Variants in ITGAL observed in about 807,000 individuals in gnomAD.
ITGAL encodes the protein integrin alpha-L.
Under a neutral mutation model 138.4 loss-of-function variants are expected in ITGAL, and 68 were observed. That is an observed-to-expected ratio of 0.49 (90% CI 0.40 to 0.60). The LOEUF (loss-of-function observed/expected upper bound fraction) is 0.60. Among genes scored for constraint, ITGAL ranks in the 20% least tolerant of loss-of-function variants. The pLI is 0.00. For synonymous variants in ITGAL, 561 were observed against 584.3 expected (o/e 0.96, Z 0.57); for missense variants, 1,256 against 1,478.6 (o/e 0.85, Z 2.47).
At chr16:30,481,387 A>T in intron 6 of ITGAL, 52 bp from the exon 7 acceptor site, 1 of 1,428,444 alleles carries the variant, frequency 7.0e-7, no homozygotes, top group Non-Finnish European at 9.6e-7. Flanking sequence ...TTTGGAACAG[A>T]CAAATGGAAA....
At chr16:30,510,220 T>C in intron 21 of ITGAL, 141 bp from the exon 22 acceptor site, 1 of 643,096 alleles carries the variant, frequency 1.6e-6, no homozygotes, top group South Asian at 1.8e-5. Context: ...TCTGCAGCCC[T>C]GATTCTTGGG....
chr16:30,481,228 C>T (rs967425438), intron 6 of ITGAL: 20 of 505,348 alleles, frequency 4.0e-5, no homozygotes, highest in Middle Eastern at 5.7e-4. Flanking sequence ...TGCCTGTAAT[C>T]GCAGCTACTT....
At chr16:30,493,540 C>T (rs1027734456) in intron 11 of ITGAL, among the ~76,000 whole-genome samples, 26 of 151,450 alleles carry the variant, frequency 1.7e-4, no homozygotes, top group East Asian at 6.0e-4. Flanking sequence ...CCTCCCAAAG[C>T]GCTGGGATTA....
At chr16:30,509,985 C>T (rs977135614) in intron 21 of ITGAL, among the ~76,000 whole-genome samples, 5 of 151,514 alleles carry the variant, frequency 3.3e-5, no homozygotes, top group South Asian at 2.1e-4. Context: ...GTTGCAGTGA[C>T]CCGAGATCGC....
chr16:30,503,483 G>T (rs2050936758), intron 17 of ITGAL, among the ~76,000 whole-genome samples: 1 of 144,258 alleles, frequency 6.9e-6, no homozygotes, highest in African/African-American at 2.6e-5. Context: ...GAAGGAGGGA[G>T]GATGAAAGAG....
rs949711512 is a variant in ITGAL, at chr16:30,479,217, C to A, written c.445+9C>A. 18 of 1,613,618 alleles carry A rather than the reference C, an allele frequency of 1.1e-5. No individual in the cohort carries two copies. In the East Asian group the frequency reaches 3.8e-4, roughly 34 times the overall value. ...GCGCCCTGGTTTTCAGGGTAAGGAA[C>A]TGGGGACTCATTGGGTAAAAATACC... On this transcript the variant is annotated intron_variant, in intron 5 of 30. Coordinates refer to ENST00000356798, the MANE Select transcript of ITGAL (RefSeq NM_002209.3).
intron 21 of ITGAL, 138 bp from the exon 22 acceptor site, chr16:30,510,223 T>C (rs1310848748): frequency 1.5e-6 from 1 of 649,628 alleles, no homozygotes; most frequent in African/African-American, 1.8e-5. Flanking sequence ...GCAGCCCTGA[T>C]TCTTGGGCCC....
At position 30,499,219 on chromosome 16, in the gene ITGAL, A is replaced by T; in HGVS notation, c.1978A>T (p.Ile660Phe). Residue 660 changes from isoleucine to phenylalanine, a missense_variant, in exon 16 of 31, where the codon ATC becomes TTC. By Grantham distance (21) the Ile-to-Phe change is conservative. This residue lies in a region of ITGAL where 867 missense variants were observed against 972.5 expected (regional missense o/e 0.89). Coordinates refer to ENST00000356798, the MANE Select transcript of ITGAL (RefSeq NM_002209.3). ...AATCTGTTTCCAGATCAAGTCTCTCATCCCCCAGTTCCAAGGTCAGAGCTC... is the reference window on the plus strand; with the variant it reads ...AATCTGTTTCCAGATCAAGTCTCTCTTCCCCCAGTTCCAAGGTCAGAGCTC... The part of the protein sequence containing the change: ...ITICFQIKSL[I>F]PQFQGRLVAN... The T allele has an allele frequency of 6.2e-7, 1 of 1,614,160 alleles. No individual in the cohort carries two copies. The highest frequency in any genetic ancestry group is 1.3e-5 in the African/African-American group (1 of 75,052).
At chr16:30,476,453 G>A (rs569956602) in intron 4 of ITGAL, among the ~76,000 whole-genome samples, 1 of 151,912 alleles carries the variant, frequency 6.6e-6, no homozygotes, top group South Asian at 2.1e-4. Flanking sequence ...TAAATTTAAT[G>A]GCTTATTAGA....
At chr16:30,513,571 C>G (rs1407026935) in intron 24 of ITGAL, among the ~76,000 whole-genome samples, 200 bp from the exon 25 acceptor site, 1 of 152,206 alleles carries the variant, frequency 6.6e-6, no homozygotes, top group African/African-American at 2.4e-5. Context: ...CCAGTCCTGT[C>G]TCTCCACTGT....
chr16:30,499,733 A>ATTTTT (rs1193634387), intron 17 of ITGAL, among the ~76,000 whole-genome samples: 20 of 88,340 alleles, frequency 2.3e-4, no homozygotes, highest in South Asian at 7.1e-4. Flanking sequence ...ATATATATAT[A>ATTTTT]TTTTTTTTTT....
intron 7 of ITGAL, 31 bp downstream of exon 7, chr16:30,481,615 C>T: frequency 1.2e-6 from 2 of 1,610,710 alleles, no homozygotes; most frequent in Non-Finnish European, 1.7e-6. Flanking sequence ...GAGCACGTGT[C>T]CTGTGATTTG....
chr16:30,493,961 C>T lies in ITGAL; in HGVS notation c.1214-251C>T, dbSNP rs116953341. ...AAACTGAGGCTCAGAAGAGGCTCCA[C>T]GCTCCACTTGTTGTGCATAGCTGCT... On this transcript the variant is annotated intron_variant, in intron 11 of 30. Transcript: ENST00000356798. Among the ~76,000 whole-genome samples the T allele has an allele frequency of 9.3e-4, 141 of 152,284 alleles. No individual in the cohort carries two copies. The East Asian group carries it at 0.025, about 27-fold the overall frequency.
chr16:30,479,332 A>T lies in ITGAL; in HGVS notation c.447A>T (p.Glu149Asp). ...PMLQGRPGFQ[E>D]CIKGNVDLVF... ...GTCCCTTGCGTCTGGCTTCTGCAGA[A>T]TGTATCAAGGGCAACGTAGACCTGG... Residue 149 changes from glutamate to aspartate, a missense_variant and splice_region_variant, in exon 6 of 31, where the codon GAA (glutamate) becomes GAT (aspartate). Glu to Asp is a conservative substitution (Grantham distance 45). Around this residue, in one of 3 missense-constraint regions of ITGAL, gnomAD observed 212 missense variants for 217.4 expected, o/e 0.98. Coordinates refer to ENST00000356798, the MANE Select transcript of ITGAL (RefSeq NM_002209.3). The T allele has an allele frequency of 6.2e-7, 1 of 1,614,104 alleles. No homozygotes were observed. The highest frequency in any genetic ancestry group is 8.5e-7 in the Non-Finnish European group (1 of 1,180,024).
At chr16:30,488,123 A>G (rs2050673646) in intron 9 of ITGAL, among the ~76,000 whole-genome samples, 1 of 150,412 alleles carries the variant, frequency 6.6e-6, no homozygotes, top group South Asian at 2.2e-4. Context: ...TCAGCCTAGG[A>G]GTTTGAGACT....
intron 28 of ITGAL, among the ~76,000 whole-genome samples, chr16:30,518,110 T>A (rs1016830644): frequency 3.4e-4 from 51 of 152,138 alleles, no homozygotes; most frequent in African/African-American, 1.2e-3. Context: ...TGTGTGTTCT[T>A]TATAGAAAAG....
chr16:30,482,687 A>G (rs1315817560), intron 7 of ITGAL, among the ~76,000 whole-genome samples: 2 of 152,042 alleles, frequency 1.3e-5, no homozygotes, highest in Non-Finnish European at 2.9e-5. Flanking sequence ...TTGGAGAAGC[A>G]TTTTGCATCC....
At position 30,472,925 on chromosome 16, in the gene ITGAL, G is replaced by A. The variant is rs759770387; in HGVS notation, c.61+27G>A. The A allele has an allele frequency of 3.9e-5, 63 of 1,605,552 alleles. No homozygotes were observed. In the South Asian group the frequency reaches 6.9e-4, roughly 18 times the overall value. ...TAGGCAAGGGAGGAGGCAGGGGAAG[G>A]GACATGTGTCTGTGACCAGAGAAAC... On this transcript the variant is annotated intron_variant, in intron 1 of 30. Transcript: ENST00000356798.
At chr16:30,478,210 T>C (rs1331290838) in intron 4 of ITGAL, among the ~76,000 whole-genome samples, 1 of 151,228 alleles carries the variant, frequency 6.6e-6, no homozygotes, top group Non-Finnish European at 1.5e-5. Flanking sequence ...GGTGGGCACC[T>C]GTAGTCCCAG....
Sources: gnomAD v4.1 joint callset for allele counts (sites outside exome capture counted in the v4.1 genomes callset) on GRCh38, gnomAD v4.1.1 for gene constraint, gnomAD v4.1.1 regional missense constraint, MANE v1.5 for transcripts, NCBI Gene and HGNC (gene_info 2026-07-23, HGNC 2026-07-21) for gene names.